ME3: variants seen among roughly 807,000 people sequenced by gnomAD.
The protein encoded by ME3 is malic enzyme 3, also known as NADP-dependent malic enzyme, mitochondrial.
ME3 carries 48 observed loss-of-function variants against 68.9 expected under a neutral mutation model. The observed-to-expected ratio is 0.70, with a 90% CI of 0.55 to 0.89. The LOEUF (loss-of-function observed/expected upper bound fraction) is 0.89, where lower values mean the gene tolerates loss of function less well. ME3 is among the 40% of genes least tolerant of loss of function. The probability of loss-of-function intolerance (pLI) is 0.00; values close to 1 mark genes in which losing one functional copy is unlikely to be tolerated. For missense variants in ME3, 675 were observed against 797.4 expected (o/e 0.85, Z 1.85); for synonymous variants, 320 against 318.8 (o/e 1.00, Z -0.04).
exon 15 of ME3, chr11:86,441,389 T>C (rs1294330844): frequency 6.2e-7 from 1 of 1,613,076 alleles, no homozygotes; most frequent in Non-Finnish European, 8.5e-7. Flanking sequence ...TCCTTGTCCT[T>C]AGGCTCTGGG....
At chr11:86,442,640 G>GT (rs1375984649) in intron 14 of ME3, among the ~76,000 whole-genome samples, 181 bp downstream of exon 14, 1 of 151,910 alleles carries the variant, frequency 6.6e-6, no homozygotes, top group Non-Finnish European at 1.5e-5. Context: ...CTGGGTGGGT[G>GT]TTTGGGGTGG....
chr11:86,564,427 A>G (rs191880023), intron 2 of ME3, among the ~76,000 whole-genome samples: 379 of 148,576 alleles, frequency 2.6e-3, no homozygotes, highest in Non-Finnish European at 3.1e-3. Context: ...CTTTTTTTTT[A>G]AAAAGGGACT....
chr11:86,503,556 T>C (rs1952862372), intron 5 of ME3, among the ~76,000 whole-genome samples: 4 of 152,240 alleles, frequency 2.6e-5, no homozygotes, highest in African/African-American at 9.6e-5. Flanking sequence ...TTCTGCTCTA[T>C]CCTGTTTCCT....
rs143497464 is a variant in ME3, at chr11:86,488,249, C to T, written c.706-809G>A. On this transcript the variant is annotated intron_variant, in intron 6 of 14. Transcript: ENST00000543262. ...GTCTTCTTAGGGACAAAACTGTCAC[C>T]GGTTGAGAACCACTGTAGCTGACTT... Among the ~76,000 whole-genome samples the T allele has an allele frequency of 7.2e-5, 11 of 152,258 alleles. No individual in the cohort carries two copies. In the East Asian group the frequency reaches 9.6e-4, roughly 13 times the overall value.
intron 4 of ME3, among the ~76,000 whole-genome samples, chr11:86,542,165 G>A (rs1237407904): frequency 2.0e-5 from 3 of 152,180 alleles, no homozygotes; most frequent in Admixed American, 6.5e-5. Context: ...TAAAATCAAA[G>A]ACCAAAGGTA....
intron 2 of ME3, among the ~76,000 whole-genome samples, chr11:86,582,765 T>G (rs11234701): frequency 0.48 from 72,571 of 151,630 alleles, 18,946 homozygotes; most frequent in East Asian, 0.71. Context: ...TCTTTCCCCC[T>G]AGAAGAAAAC....
chr11:86,532,798 G>T (rs879683005), intron 4 of ME3, among the ~76,000 whole-genome samples: 1 of 152,186 alleles, frequency 6.6e-6, no homozygotes, highest in Non-Finnish European at 1.5e-5. Context: ...GGTGGCTTAC[G>T]CCTGTAACCC....
At chr11:86,621,324 C>A (rs1943335264) in intron 2 of ME3, among the ~76,000 whole-genome samples, 1 of 152,146 alleles carries the variant, frequency 6.6e-6, no homozygotes, top group African/African-American at 2.4e-5. Flanking sequence ...GCATAGAATT[C>A]ATGGGATTTA....
At chr11:86,475,851 G>GTA (rs68158647) in intron 7 of ME3, among the ~76,000 whole-genome samples, 1,549 of 114,584 alleles carry the variant, frequency 0.014, 26 homozygotes, top group Middle Eastern at 0.026. Flanking sequence ...CTAATATTCA[G>GTA]TATATATATA....
downstream of ME3, among the ~76,000 whole-genome samples, chr11:86,438,933 A>T (rs534099849): frequency 8.5e-5 from 13 of 152,330 alleles, no homozygotes; most frequent in African/African-American, 3.1e-4. Context: ...CTACAGGGTG[A>T]GTCAGCAAGC....
chr11:86,598,870 A>C (rs1004162281), intron 2 of ME3, among the ~76,000 whole-genome samples: 2 of 152,252 alleles, frequency 1.3e-5, no homozygotes, highest in Admixed American at 6.5e-5. Context: ...GCAAACTCCA[A>C]CAGACCTGCA....
chr11:86,531,438 TG>T lies in ME3; in HGVS notation c.468-22572del, dbSNP rs201513467. Among the ~76,000 whole-genome samples the T allele has an allele frequency of 1.1e-3, 167 of 152,314 alleles. 4 individuals carry two copies. The East Asian group carries it at 0.031, about 28-fold the overall frequency. ...AGTTCAACCATTGTGGAAGTCAGTG[TG>T]GCAATTCCTCAGGGATCTAGAACTA... On this transcript the variant is annotated intron_variant, in intron 4 of 14. Coordinates refer to ENST00000543262, the Ensembl canonical transcript of ME3.
chr11:86,587,184 G>T (rs2139645455), intron 2 of ME3, among the ~76,000 whole-genome samples: 1 of 152,338 alleles, frequency 6.6e-6, no homozygotes, highest in East Asian at 1.9e-4. Context: ...AGAAGAATCA[G>T]CAGGCACAAA....
intron 2 of ME3, among the ~76,000 whole-genome samples, chr11:86,617,045 G>GTTTTTTTT (rs563738961): frequency 0.014 from 796 of 56,304 alleles, 180 homozygotes; most frequent in Non-Finnish European, 0.018. Context: ...CAAGATAGTA[G>GTTTTTTTT]TTTTTTTTTT....
chr11:86,571,484 A>G (rs1206696199), intron 2 of ME3, among the ~76,000 whole-genome samples: 3 of 152,248 alleles, frequency 2.0e-5, no homozygotes, highest in Non-Finnish European at 2.9e-5. Context: ...GCGCTGTCCA[A>G]TGTGGTAGCC....
At chr11:86,470,405 A>G (rs960632457) in intron 7 of ME3, among the ~76,000 whole-genome samples, 1 of 151,582 alleles carries the variant, frequency 6.6e-6, no homozygotes, top group Non-Finnish European at 1.5e-5. Flanking sequence ...CCTTCCAGGA[A>G]CTAGATCTGA....
chr11:86,596,677 C>T (rs1959516056), intron 2 of ME3, among the ~76,000 whole-genome samples: 1 of 152,206 alleles, frequency 6.6e-6, no homozygotes, highest in Non-Finnish European at 1.5e-5. Context: ...TAGGCTACCT[C>T]TTTCACATTA....
chr11:86,666,748 C>T (rs944142203), intron 2 of ME3, among the ~76,000 whole-genome samples: 2 of 152,184 alleles, frequency 1.3e-5, no homozygotes, highest in African/African-American at 4.8e-5. Flanking sequence ...CTAGGAGGCA[C>T]AATTTTACAT....
intron 4 of ME3, among the ~76,000 whole-genome samples, chr11:86,531,450 A>G (rs1484177298): frequency 2.0e-5 from 3 of 152,246 alleles, no homozygotes; most frequent in African/African-American, 7.2e-5. Flanking sequence ...GCAATTCCTC[A>G]GGGATCTAGA....
Sources: gnomAD v4.1 joint callset for allele counts (sites outside exome capture counted in the v4.1 genomes callset) on GRCh38, gnomAD v4.1.1 for gene constraint, MANE v1.5 for transcripts, NCBI Gene and HGNC (gene_info 2026-07-23, HGNC 2026-07-21) for gene names.